Variants in CRAMP1 observed in about 807,000 individuals in gnomAD.
CRAMP1 encodes the protein protein cramped-like.
In CRAMP1, 50 loss-of-function variants were observed where a neutral mutation model predicts 115.4. The ratio of observed to expected loss-of-function variants is 0.43; its 90% CI spans 0.35 to 0.55. CRAMP1 has a LOEUF of 0.55. Ranked by LOEUF, CRAMP1 falls within the 20% of genes least tolerant of loss-of-function variation. CRAMP1 has a pLI of 0.01. For synonymous variants in CRAMP1, 866 were observed against 745.4 expected (o/e 1.16, Z -2.64); for missense variants, 1,679 against 1,721.7 (o/e 0.98, Z 0.44).
intron 2 of CRAMP1, among the ~76,000 whole-genome samples, chr16:1,615,838 T>G (rs2036414291): frequency 1.3e-5 from 2 of 152,240 alleles, no homozygotes; most frequent in Admixed American, 1.3e-4. Context: ...AAATATAACA[T>G]CAGCTTCCAG....
chr16:1,653,904 G>A (rs577429979), intron 8 of CRAMP1, among the ~76,000 whole-genome samples: 42 of 151,876 alleles, frequency 2.8e-4, no homozygotes, highest in Non-Finnish European at 4.3e-4. Flanking sequence ...CACTTTGGGA[G>A]GCCAAGGCAG....
Position 1,616,508 on chromosome 16 carries a change from C to T in CRAMP1, c.346+1523C>T, listed in dbSNP as rs75201530. 3.0e-4 allele frequency among the ~76,000 whole-genome samples: 45 copies of T among 152,282 alleles called. 1 individual carries two copies. In the East Asian group the frequency reaches 8.1e-3, roughly 27 times the overall value. ...GTGTGAAAGCACTCTCAGACGTGTA[C>T]GTGGCTACTTGTATGTATAAGTGAA... On this transcript the variant is annotated intron_variant, in intron 2 of 20. Transcript: ENST00000397412.
chr16:1,652,938 T>C, intron 7 of CRAMP1, 95 bp from the exon 8 acceptor site: 1 of 1,478,468 alleles, frequency 6.8e-7, no homozygotes, highest in Non-Finnish European at 9.2e-7. Context: ...GGCCATCTGC[T>C]CACAGCTGAT....
In CRAMP1 at chr16:1,669,238, C is replaced by A. The variant is rs2036902244; in HGVS notation, c.3499+73C>A. The A allele has an allele frequency of 1.7e-6, 2 of 1,172,648 alleles. No individual in the cohort carries two copies. The allele number at this position is 1,172,648 out of a possible 1,614,324, so 72.6% of individuals were successfully genotyped here. ...GCTGGGGTCTGCGGGACACTGGATTCTCATTCTACTCAAACTCCCACTAGG... is the reference window on the plus strand; with the variant it reads ...GCTGGGGTCTGCGGGACACTGGATTATCATTCTACTCAAACTCCCACTAGG... On this transcript the variant is annotated intron_variant, in intron 19 of 20. Coordinates refer to ENST00000397412, the MANE Select transcript of CRAMP1 (RefSeq NM_020825.4). This position sits in a 1 kb window ranked among gnomAD's most constrained non-coding sequence, Gnocchi z 4.6.
chr16:1,630,653 G>T (rs2036541916), intron 3 of CRAMP1, among the ~76,000 whole-genome samples: 1 of 152,166 alleles, frequency 6.6e-6, no homozygotes, highest in Admixed American at 6.5e-5. Context: ...CCAGGACGCT[G>T]CGCCGCACTC....
intron 4 of CRAMP1, among the ~76,000 whole-genome samples, chr16:1,634,389 TAAAC>T (rs1453276083): frequency 1.3e-5 from 2 of 152,188 alleles, no homozygotes; most frequent in Non-Finnish European, 2.9e-5. Context: ...CTTTCCCTGT[TAAAC>T]AACCTCCTAA....
rs58470181 is a variant in CRAMP1 at position 1,612,862 on chromosome 16, C to G, written c.-2+205C>G. 1.0e-3 allele frequency among the ~76,000 whole-genome samples: 158 copies of G among 152,230 alleles called. 3 individuals carry two copies. In the East Asian group the frequency reaches 0.019, roughly 18 times the overall value. ...ACGGGGCTGGAGGAGACTGCGCCTCCGAGAAAAGTCCGGTCTCGTTGGAGG... is the reference window on the plus strand; with the variant it reads ...ACGGGGCTGGAGGAGACTGCGCCTCGGAGAAAAGTCCGGTCTCGTTGGAGG... On this transcript the variant is annotated intron_variant, in intron 1 of 20. Coordinates refer to ENST00000397412, the MANE Select transcript of CRAMP1 (RefSeq NM_020825.4).
At chr16:1,653,422 C>T (rs979795183) in intron 8 of CRAMP1, among the ~76,000 whole-genome samples, 4 of 152,190 alleles carry the variant, frequency 2.6e-5, no homozygotes, top group East Asian at 1.9e-4. Flanking sequence ...GCCTTCCTTT[C>T]GTCCCCCACT....
At chr16:1,673,318 G>A (rs1466041077) in intron 20 of CRAMP1, among the ~76,000 whole-genome samples, 1 of 141,222 alleles carries the variant, frequency 7.1e-6, no homozygotes, top group Non-Finnish European at 1.5e-5. Flanking sequence ...ACAGGAACGT[G>A]TCCCCCACCT....
Position 1,614,834 on chromosome 16 carries a change from G to A in CRAMP1, c.195G>A (p.Ala65=). ...ACGGCCCCCCCGCGCCCCCCGGCGC[G>A]CCGCAGGCGCCGTCCCCGCCGCAGG... The part of the protein sequence containing the change: ...GADGPPAPPG[A]PQAPSPPQGS... Residue 65 remains alanine (A), a synonymous_variant, in exon 2 of 21, where the codon GCG becomes GCA. Transcript: ENST00000397412. The surrounding 1 kb of genome is among the most constrained non-coding windows in gnomAD (Gnocchi z 4.4). 7.9e-7 allele frequency: 1 copy of A among 1,271,646 alleles called. No individual in the cohort carries two copies. The highest frequency in any genetic ancestry group is 9.9e-7 in the Non-Finnish European group (1 of 1,013,762). The allele number at this position is 1,271,646 out of a possible 1,614,324, so 78.8% of individuals were successfully genotyped here.
In CRAMP1 at chr16:1,665,121, C is replaced by T; in HGVS notation, c.2735C>T (p.Ser912Phe). Reference protein sequence around the residue: ...SHNVCSFSILSNSSVTGRGSF... With the variant: ...SHNVCSFSILFNSSVTGRGSF... Reference sequence around the variant, plus strand: ...AACGTTTGTTCCTTCTCCATCCTGTCTAACTCTTCCGTAACTGGTAAGGAC... The same window carrying T: ...AACGTTTGTTCCTTCTCCATCCTGTTTAACTCTTCCGTAACTGGTAAGGAC... The change falls in exon 14 of 21, where the codon TCT becomes TTT. Residue 912 changes from serine (S) to phenylalanine (F), a missense_variant. By Grantham distance (155) the Ser-to-Phe change is radical. Coordinates refer to ENST00000397412, the MANE Select transcript of CRAMP1 (RefSeq NM_020825.4). 6.2e-7 allele frequency: 1 copy of T among 1,611,624 alleles called. No individual in the cohort carries two copies. Among genetic ancestry groups the T allele is most frequent in the Non-Finnish European group, 8.5e-7 (1 of 1,177,720 alleles).
intron 3 of CRAMP1, 77 bp downstream of exon 3, chr16:1,626,243 C>G: frequency 7.6e-7 from 1 of 1,324,170 alleles, no homozygotes. Context: ...CCCGTGCTTC[C>G]TCTTTGCTGT....
chr16:1,626,511 G>A (rs2036509532), intron 3 of CRAMP1, among the ~76,000 whole-genome samples: 1 of 151,912 alleles, frequency 6.6e-6, no homozygotes, highest in Non-Finnish European at 1.5e-5. Context: ...TGAGTGGGCT[G>A]ATTTAGGCGG....
intron 3 of CRAMP1, among the ~76,000 whole-genome samples, chr16:1,629,023 C>A (rs2036527990): frequency 6.6e-6 from 1 of 152,252 alleles, no homozygotes; most frequent in Admixed American, 6.5e-5. Flanking sequence ...TCGCCTCCTT[C>A]CTCTGAATAC....
Position 1,672,669 on chromosome 16 carries a change from C to T in CRAMP1, c.3646-1212C>T, listed in dbSNP as rs1045819158. 6.6e-6 allele frequency among the ~76,000 whole-genome samples: 1 copy of T among 152,226 alleles called. No homozygotes were observed. The highest frequency in any genetic ancestry group is 2.4e-5 in the African/African-American group (1 of 41,460). ...GACTTCTTGCATTCACAGTGTCATG[C>T]AGTTCATTAAGGGATATTTCTGCAG... On this transcript the variant is annotated intron_variant, in intron 20 of 20. Coordinates refer to ENST00000397412, the MANE Select transcript of CRAMP1 (RefSeq NM_020825.4). The surrounding 1 kb of genome is among the most constrained non-coding windows in gnomAD (Gnocchi z 4.9).
Position 1,656,499 on chromosome 16 carries a change from A to G in CRAMP1, c.1742A>G (p.Asp581Gly), listed in dbSNP as rs934564787. Residue 581 changes from aspartate (D) to glycine (G), a missense_variant, in exon 10 of 21, where the codon GAC (aspartate) becomes GGC (glycine). Coordinates refer to ENST00000397412, the MANE Select transcript of CRAMP1 (RefSeq NM_020825.4). This position sits in a 1 kb window ranked among gnomAD's most constrained non-coding sequence, Gnocchi z 5.6. ...LIVPEQCRCADTRPGSEQPPL... is the reference protein window; with the variant it reads ...LIVPEQCRCAGTRPGSEQPPL... ...GTCCCCGAGCAGTGCCGCTGTGCGG[A>G]CACACGGCCTGGGAGCGAGCAGCCC... 6.4e-7 allele frequency: 1 copy of G among 1,571,648 alleles called. No homozygotes were observed. The highest frequency in any genetic ancestry group is 8.6e-7 in the Non-Finnish European group (1 of 1,159,278).
rs909855167 is a variant in CRAMP1 at position 1,671,776 on chromosome 16, C to T, written c.3645+967C>T. Among the ~76,000 whole-genome samples, 1 of 152,190 alleles carries T rather than the reference C, an allele frequency of 6.6e-6. No homozygotes were observed. The highest frequency in any genetic ancestry group is 1.5e-5 in the Non-Finnish European group (1 of 68,026). ...AACAGCTGTTTCTCACGGACACCTC[C>T]GCTACCCAGTATCCGAATGTGAATC... On this transcript the variant is annotated intron_variant, in intron 20 of 20. Coordinates refer to ENST00000397412, the MANE Select transcript of CRAMP1 (RefSeq NM_020825.4). The surrounding 1 kb of genome is among the most constrained non-coding windows in gnomAD (Gnocchi z 5.0).
At chr16:1,665,656 G>A (rs1359656008) in intron 14 of CRAMP1, 1 of 222,290 alleles carries the variant, frequency 4.5e-6, no homozygotes, top group Admixed American at 5.2e-5. Context: ...GCTGTCAATT[G>A]CTTTTTCTCT....
At chr16:1,613,647 C>T (rs2036384894) in intron 1 of CRAMP1, among the ~76,000 whole-genome samples, 1 of 152,194 alleles carries the variant, frequency 6.6e-6, no homozygotes, top group Non-Finnish European at 1.5e-5. Flanking sequence ...TTTTTAGTCA[C>T]TGCACTTTGT....
Sources: allele counts gnomAD v4.1 joint callset (sites outside exome capture counted in the v4.1 genomes callset), GRCh38; gene constraint gnomAD v4.1.1; non-coding constraint Gnocchi (gnomAD v3.1); transcripts MANE v1.5; gene names NCBI Gene and HGNC (gene_info 2026-07-23, HGNC 2026-07-21).